The following TMEM143 variants were observed in gnomAD, a reference collection of about 807,000 sequenced individuals.
The protein encoded by TMEM143 is transmembrane protein 143.
In TMEM143, 45 loss-of-function variants were observed where a neutral mutation model predicts 40.3. The observed-to-expected ratio is 1.12, with a 90% CI of 0.88 to 1.43. The LOEUF is 1.43. Among genes scored for constraint, TMEM143 ranks in the 40% most tolerant of loss-of-function variants. The probability of loss-of-function intolerance (pLI) is 0.00; values close to 1 mark genes in which losing one functional copy is unlikely to be tolerated. For synonymous variants in TMEM143, 299 were observed against 282.7 expected, an observed-to-expected ratio of 1.06 and a Z score of -0.58; for missense variants, 620 against 613.4, an observed-to-expected ratio of 1.01 and a Z score of -0.11.
intron 6 of TMEM143, among the ~76,000 whole-genome samples, chr19:48,335,206 G>A (rs1476898865): frequency 6.6e-6 from 1 of 152,196 alleles, no homozygotes; most frequent in Admixed American, 6.5e-5. Context: ...GCTAGGTGCT[G>A]GCTAGTGGAG....
At chr19:48,345,475 A>C in intron 3 of TMEM143, 121 bp from the exon 4 acceptor site, 1 of 374,992 alleles carries the variant, frequency 2.7e-6, no homozygotes, top group Non-Finnish European at 3.5e-6. Context: ...TATTTATTTT[A>C]TTGAGATAGA....
chr19:48,358,054 T>TCCA (rs1162168499), intron 3 of TMEM143, among the ~76,000 whole-genome samples: 6 of 151,988 alleles, frequency 3.9e-5, no homozygotes, highest in Non-Finnish European at 8.8e-5. Context: ...AAAAAGCACA[T>TCCA]GTACCCCAAA....
At chr19:48,359,928 G>A in intron 3 of TMEM143, 144 bp downstream of exon 3, 1 of 705,064 alleles carries the variant, frequency 1.4e-6, no homozygotes, top group East Asian at 2.8e-5. Context: ...GGCTCCATGA[G>A]GGCGTCACTT....
At chr19:48,363,713 A>G in intron 1 of TMEM143, 182 bp from the exon 2 acceptor site, 1 of 1,362,074 alleles carries the variant, frequency 7.3e-7, no homozygotes. Context: ...TGGGTCCCAG[A>G]CAGGGGTCAG....
rs546829932 is a variant in TMEM143 at position 48,360,434 on chromosome 19, C to T, written c.265-258G>A. The T allele has an allele frequency of 6.3e-4, 239 of 377,998 alleles. 1 individual carries two copies. The highest frequency in any genetic ancestry group is 4.5e-3 in the African/African-American group (214 of 47,182). 23.4% of individuals were successfully genotyped at this position (377,998 alleles called of 1,614,324 possible). On this transcript the variant is annotated intron_variant, in intron 2 of 7. Transcript: ENST00000293261. ...CTCTACTAAAAATACAAAAATTAGCCGGGCGTGATGGCATGCACCTGTAGT... is the reference window on the plus strand; with the variant it reads ...CTCTACTAAAAATACAAAAATTAGCTGGGCGTGATGGCATGCACCTGTAGT...
intron 3 of TMEM143, 51 bp downstream of exon 3, chr19:48,360,021 T>C: frequency 1.3e-6 from 2 of 1,566,498 alleles, no homozygotes; most frequent in South Asian, 2.3e-5. Context: ...GTTTGCTAAA[T>C]GAGCGGATGC....
chr19:48,355,564 C>T (rs1385850093), intron 3 of TMEM143, among the ~76,000 whole-genome samples: 2 of 152,172 alleles, frequency 1.3e-5, no homozygotes, highest in African/African-American at 4.8e-5. Context: ...ATAAGCCAGA[C>T]ACAGCAAGCG....
chr19:48,363,128 C>T, intron 2 of TMEM143, among the ~76,000 whole-genome samples, 163 bp downstream of exon 2: 1 of 152,216 alleles, frequency 6.6e-6, no homozygotes, highest in East Asian at 1.9e-4. Flanking sequence ...CTGGCTCCTG[C>T]ATTCCAGCTC....
chr19:48,337,829 C>T (rs193254111), intron 6 of TMEM143, among the ~76,000 whole-genome samples: 54 of 152,286 alleles, frequency 3.5e-4, no homozygotes, highest in African/African-American at 1.0e-3. Flanking sequence ...TGGAACGAAT[C>T]GCCATTTCTT....
intron 6 of TMEM143, among the ~76,000 whole-genome samples, chr19:48,340,361 G>A (rs1205499852): frequency 2.0e-5 from 3 of 151,676 alleles, no homozygotes; most frequent in South Asian, 2.1e-4. Context: ...TCCTGACCTC[G>A]TGATCCACCC....
chr19:48,354,310 G>A (rs1314338445), intron 3 of TMEM143, among the ~76,000 whole-genome samples: 17 of 126,932 alleles, frequency 1.3e-4, no homozygotes, highest in Middle Eastern at 6.0e-3. Flanking sequence ...TGTCACCCAG[G>A]CTGGAGTGCA....
At chr19:48,357,671 T>C (rs533809398) in intron 3 of TMEM143, among the ~76,000 whole-genome samples, 3 of 152,094 alleles carry the variant, frequency 2.0e-5, no homozygotes, top group Non-Finnish European at 4.4e-5. Flanking sequence ...TCCATCTTTC[T>C]ACCTGCCTTT....
chr19:48,344,047 T>C (rs1277591427), intron 4 of TMEM143, among the ~76,000 whole-genome samples: 5 of 150,342 alleles, frequency 3.3e-5, no homozygotes, highest in African/African-American at 9.8e-5. Context: ...CCACCATGCC[T>C]GGCTAATTTT....
At chr19:48,348,407 C>T (rs145830203) in intron 3 of TMEM143, among the ~76,000 whole-genome samples, 245 of 152,266 alleles carry the variant, frequency 1.6e-3, no homozygotes, top group Non-Finnish European at 2.9e-3. Context: ...GGTCCCAGTC[C>T]ATGCCAGCCA....
At chr19:48,346,522 C>G (rs1261520686) in intron 3 of TMEM143, among the ~76,000 whole-genome samples, 2 of 152,170 alleles carry the variant, frequency 1.3e-5, no homozygotes, top group Non-Finnish European at 2.9e-5. Context: ...TCATCTCTCA[C>G]TTAAACAATT....
rs1969277192 is a variant in TMEM143, at chr19:48,333,921, G to A, written c.1165+87C>T. 7.3e-7 allele frequency: 1 copy of A among 1,375,092 alleles called. No individual in the cohort carries two copies. Among genetic ancestry groups the A allele is most frequent in the Non-Finnish European group, 9.6e-7 (1 of 1,040,434 alleles). The allele number at this position is 1,375,092 out of a possible 1,614,324, so 85.2% of individuals were successfully genotyped here. On this transcript the variant is annotated intron_variant, in intron 7 of 7. Transcript: ENST00000293261. This position sits in a 1 kb window ranked among gnomAD's most constrained non-coding sequence, Gnocchi z 4.1. ...CGCAAACCCGTCAGGTTCACCCGTG[G>A]GAACTGGGGGTGGGGACGCATCTCG...
chr19:48,334,342 G>A, intron 6 of TMEM143, 145 bp from the exon 7 acceptor site: 1 of 692,952 alleles, frequency 1.4e-6, no homozygotes, highest in Non-Finnish European at 2.2e-6. Context: ...TCTTCAGTAC[G>A]GGTCCCCAGA....
rs71294400 is a variant in TMEM143 at position 48,361,222 on chromosome 19, C to CTT, written c.265-1048_265-1047dup. On this transcript the variant is annotated intron_variant, in intron 2 of 7. Coordinates refer to ENST00000293261, the MANE Select transcript of TMEM143 (RefSeq NM_018273.4). ...TCCAGGGTACACATTGAACCATTTC[C>CTT]TTTTTTTTTTTTTTTGAGAAGGAGT... 1.9e-3 allele frequency among the ~76,000 whole-genome samples: 266 copies of CTT among 140,660 alleles called. 2 individuals carry two copies. Among genetic ancestry groups the CTT allele is most frequent in the African/African-American group, 6.6e-3 (252 of 38,468 alleles). The allele number at this position is 140,660 out of a possible 152,430, so 92.3% of individuals were successfully genotyped here.
chr19:48,338,018 C>T (rs1969409408), intron 6 of TMEM143, among the ~76,000 whole-genome samples: 1 of 133,676 alleles, frequency 7.5e-6, no homozygotes, highest in African/African-American at 3.0e-5. Flanking sequence ...CCCTGCCACC[C>T]GGAGGGTCCC....
Sources: gnomAD v4.1 joint callset for allele counts (sites outside exome capture counted in the v4.1 genomes callset) on GRCh38, gnomAD v4.1.1 for gene constraint, Gnocchi (gnomAD v3.1) non-coding constraint, MANE v1.5 for transcripts, NCBI Gene and HGNC (gene_info 2026-07-23, HGNC 2026-07-21) for gene names.